Variants in TRIP11 observed in about 807,000 individuals in gnomAD.
TRIP11 encodes thyroid receptor-interacting protein 11.
A neutral mutation model predicts 223.1 loss-of-function variants in TRIP11; 148 were observed. The observed-to-expected ratio is 0.66, with a 90% CI of 0.58 to 0.76. The LOEUF is 0.76. Among genes scored for constraint, TRIP11 ranks in the 30% least tolerant of loss-of-function variants. The pLI, the probability that TRIP11 is intolerant of heterozygous loss-of-function variation, is 0.00. For synonymous variants in TRIP11, 762 were observed against 772.6 expected (o/e 0.99, Z 0.23); for missense variants, 2,043 against 2,222.0 (o/e 0.92, Z 1.62).
chr14:92,014,683 T>G (rs1002844944), intron 6 of TRIP11, 106 bp from the exon 7 acceptor site: 3 of 1,251,244 alleles, frequency 2.4e-6, no homozygotes, highest in Non-Finnish European at 3.2e-6. Context: ...TTTGGAAAGC[T>G]TAAAAGTTAA....
intron 15 of TRIP11, among the ~76,000 whole-genome samples, chr14:91,992,865 C>T (rs537496178): frequency 3.0e-5 from 4 of 131,970 alleles, no homozygotes; most frequent in South Asian, 2.4e-4. Flanking sequence ...GCCGAGATCG[C>T]GCTACTGCAC....
intron 19 of TRIP11, 84 bp from the exon 20 acceptor site, chr14:91,972,945 T>C: frequency 2.6e-6 from 3 of 1,159,352 alleles, no homozygotes; most frequent in Non-Finnish European, 3.6e-6. Context: ...GCTTTTCTAA[T>C]TAAATATTAA....
At chr14:91,977,412 G>A (rs559303971) in intron 16 of TRIP11, among the ~76,000 whole-genome samples, 4 of 152,232 alleles carry the variant, frequency 2.6e-5, no homozygotes, top group African/African-American at 9.6e-5. Flanking sequence ...GCCATTTTGA[G>A]TTAATTTTTG....
chr14:92,038,197 A>G (rs1392887154), intron 1 of TRIP11, among the ~76,000 whole-genome samples: 1 of 152,238 alleles, frequency 6.6e-6, no homozygotes, highest in East Asian at 1.9e-4. Flanking sequence ...ATGAGAAAAC[A>G]GCACATTTGG....
rs1401649986 is a variant in TRIP11 at position 92,004,495 on chromosome 14, T to C, written c.3481A>G (p.Asn1161Asp). Residue 1161 changes from asparagine to aspartate, a missense_variant, in exon 11 of 21, where the codon AAT becomes GAT. Coordinates refer to ENST00000267622, the MANE Select transcript of TRIP11 (RefSeq NM_004239.4). ...TTTTCTCGAATGATACGTGATAAAT[T>C]CTGAATAGTTTCTCTAAACATATCT... Reference protein sequence around the residue: ...GQDMFRETIQNLSRIIREKDI... With the variant: ...GQDMFRETIQDLSRIIREKDI... The C allele has an allele frequency of 3.1e-6, 5 of 1,613,412 alleles. No homozygotes were observed. In the Admixed American group the frequency reaches 6.7e-5, roughly 22 times the overall value.
chr14:91,975,993 G>T, intron 17 of TRIP11, 115 bp downstream of exon 17: 2 of 934,140 alleles, frequency 2.1e-6, no homozygotes, highest in Non-Finnish European at 3.3e-6. Flanking sequence ...AGAGTGAGGG[G>T]AAAAAAGGCT....
chr14:92,004,552 T>G lies in TRIP11; in HGVS notation c.3424A>C (p.Lys1142Gln). ...ALIKLQDENK[K>Q]LSTRFESSGQ... ...CTACTTTCAAATCTAGTGGACAATTTTTTATTTTCATCTTGCAGTTTGATA... is the reference window on the plus strand; with the variant it reads ...CTACTTTCAAATCTAGTGGACAATTGTTTATTTTCATCTTGCAGTTTGATA... Residue 1142 changes from lysine (K) to glutamine (Q), a missense_variant, in exon 11 of 21, where the codon AAA becomes CAA. Lys to Gln is a moderately conservative substitution (Grantham distance 53, BLOSUM62 1). Coordinates refer to ENST00000267622, the MANE Select transcript of TRIP11 (RefSeq NM_004239.4). 2 of 1,613,542 alleles carry G rather than the reference T, an allele frequency of 1.2e-6. No homozygotes were observed. The highest frequency in any genetic ancestry group is 1.7e-5 in the Admixed American group (1 of 59,994).
chr14:92,013,400 C>G (rs1486604185), intron 7 of TRIP11, among the ~76,000 whole-genome samples: 1 of 152,222 alleles, frequency 6.6e-6, no homozygotes, highest in Non-Finnish European at 1.5e-5. Flanking sequence ...ATTATCCCAA[C>G]CCTATAGATG....
rs757869792 is a variant in TRIP11, at chr14:91,974,578, TAC to T, written c.5574+47_5574+48del. On this transcript the variant is annotated intron_variant, in intron 19 of 20. Coordinates refer to ENST00000267622, the MANE Select transcript of TRIP11 (RefSeq NM_004239.4). ...TGATTCTTTGCAAATGAATGTAATATACAGTCATTTTACTATTCACCTTAAGC... is the reference window on the plus strand; with the variant it reads ...TGATTCTTTGCAAATGAATGTAATATAGTCATTTTACTATTCACCTTAAGC... The T allele has an allele frequency of 1.1e-3, 1,533 of 1,363,490 alleles. 2 individuals are homozygous for T. Among genetic ancestry groups the T allele is most frequent in the Non-Finnish European group, 1.5e-3 (1,416 of 954,030 alleles). 84.5% of individuals were successfully genotyped at this position (1,363,490 alleles called of 1,614,324 possible).
intron 9 of TRIP11, among the ~76,000 whole-genome samples, chr14:92,008,090 TGTAA>T (rs1398744393): frequency 6.6e-6 from 1 of 152,236 alleles, no homozygotes; most frequent in Non-Finnish European, 1.5e-5. Context: ...ATGCAGCGAC[TGTAA>T]GTTTGTCCTC....
At chr14:91,991,369 A>G (rs1456109551) in intron 15 of TRIP11, among the ~76,000 whole-genome samples, 1 of 152,206 alleles carries the variant, frequency 6.6e-6, no homozygotes, top group African/African-American at 2.4e-5. Flanking sequence ...GTTCATTATA[A>G]ATAAACCAGT....
intron 7 of TRIP11, among the ~76,000 whole-genome samples, chr14:92,012,674 A>AAGGGT (rs1420088470): frequency 2.0e-5 from 3 of 152,224 alleles, no homozygotes; most frequent in Non-Finnish European, 1.5e-5. Flanking sequence ...CAGAAAATGC[A>AAGGGT]AGGGTAACAG....
chr14:91,972,125 G>A (rs570957491), intron 20 of TRIP11, among the ~76,000 whole-genome samples: 4 of 152,302 alleles, frequency 2.6e-5, no homozygotes, highest in Middle Eastern at 6.8e-3. Flanking sequence ...ACAATTTAGT[G>A]AGACAGAAAA....
At chr14:92,012,110 T>C (rs1011883223) in intron 7 of TRIP11, among the ~76,000 whole-genome samples, 5 of 152,218 alleles carry the variant, frequency 3.3e-5, no homozygotes, top group Admixed American at 1.3e-4. Flanking sequence ...TCAAAATGAA[T>C]TGATTCATTT....
At chr14:91,992,677 A>G (rs2056689342) in intron 15 of TRIP11, among the ~76,000 whole-genome samples, 1 of 152,100 alleles carries the variant, frequency 6.6e-6, no homozygotes, top group African/African-American at 2.4e-5. Context: ...TGGGAGGCCA[A>G]GGCGGGCGGA....
intron 10 of TRIP11, among the ~76,000 whole-genome samples, chr14:92,006,781 G>A (rs1847854953): frequency 6.6e-6 from 1 of 151,946 alleles, no homozygotes; most frequent in South Asian, 2.1e-4. Flanking sequence ...CAATTCTCCT[G>A]CCTCAACCTC....
At chr14:92,007,185 C>A (rs767265829) in intron 10 of TRIP11, among the ~76,000 whole-genome samples, 6 of 151,918 alleles carry the variant, frequency 3.9e-5, no homozygotes, top group African/African-American at 7.3e-5. Flanking sequence ...CCACCACGGC[C>A]GGCTAATTTT....
At chr14:92,012,957 A>T (rs1448978488) in intron 7 of TRIP11, among the ~76,000 whole-genome samples, 1 of 152,196 alleles carries the variant, frequency 6.6e-6, no homozygotes, top group Non-Finnish European at 1.5e-5. Context: ...GGAATCATGG[A>T]GAACAGAGAA....
In TRIP11 at chr14:92,031,599, G is replaced by A. The variant is rs2057265974; in HGVS notation, c.201+1593C>T. Among the ~76,000 whole-genome samples the A allele has an allele frequency of 2.6e-5, 4 of 152,034 alleles. No homozygotes were observed. The South Asian group carries it at 8.3e-4, about 31-fold the overall frequency. ...CTCAAAGCAACAACCACAACGAAAAGAACTAGAAGTAATAATAACCTGAAA... is the reference window on the plus strand; with the variant it reads ...CTCAAAGCAACAACCACAACGAAAAAAACTAGAAGTAATAATAACCTGAAA... On this transcript the variant is annotated intron_variant, in intron 2 of 20. Transcript: ENST00000267622.
Sources: allele counts gnomAD v4.1 joint callset (sites outside exome capture counted in the v4.1 genomes callset), GRCh38; gene constraint gnomAD v4.1.1; transcripts MANE v1.5; gene names NCBI Gene and HGNC (gene_info 2026-07-23, HGNC 2026-07-21).